Variants in NCOA1 observed in about 807,000 individuals in gnomAD.
The protein encoded by NCOA1 is nuclear receptor coactivator 1.
In NCOA1, 35 loss-of-function variants were observed where a neutral mutation model predicts 150.9. That is an observed-to-expected ratio of 0.23 (90% CI 0.18 to 0.31). NCOA1 has a LOEUF of 0.31. Ranked by LOEUF, NCOA1 falls within the 10% of genes least tolerant of loss-of-function variation. NCOA1 has a pLI of 1.00. For missense variants in NCOA1, 1,491 were observed against 1,749.3 expected, an observed-to-expected ratio of 0.85 and a Z score of 2.63; for synonymous variants, 590 against 630.0, an observed-to-expected ratio of 0.94 and a Z score of 0.95.
chr2:24,507,097 G>A (rs1234755851), intron 1 of NCOA1, among the ~76,000 whole-genome samples: 1 of 152,146 alleles, frequency 6.6e-6, no homozygotes, highest in Non-Finnish European at 1.5e-5. Context: ...TCTGGAGGAC[G>A]AAGACTGAAC....
chr2:24,719,801 G>T (rs540306958), intron 14 of NCOA1, among the ~76,000 whole-genome samples: 1 of 152,152 alleles, frequency 6.6e-6, no homozygotes, highest in East Asian at 1.9e-4. Flanking sequence ...GAAATGAATT[G>T]ATCTCCTTGA....
rs1015632484 is a variant in NCOA1, at chr2:24,608,246, C to T, written c.-175+23686C>T. Among the ~76,000 whole-genome samples the T allele has an allele frequency of 2.0e-3, 264 of 131,864 alleles. 1 individual carries two copies. Among genetic ancestry groups the T allele is most frequent in the Non-Finnish European group, 2.7e-3 (168 of 62,400 alleles). 86.5% of individuals were successfully genotyped at this position (131,864 alleles called of 152,430 possible). A position where few individuals can be genotyped will look rare whatever the true frequency, so the allele number is the denominator to read the frequency against. On this transcript the variant is annotated intron_variant, in intron 3 of 22. Coordinates refer to ENST00000348332, the MANE Select transcript of NCOA1 (RefSeq NM_003743.5). Reference sequence around the variant, plus strand: ...CCCATATACTCCTCACCCAGTTCCCCTATTATTATTATTATTATTATTATT... The same window carrying T: ...CCCATATACTCCTCACCCAGTTCCCTTATTATTATTATTATTATTATTATT...
At chr2:24,635,331 A>G (rs1330143195) in intron 3 of NCOA1, among the ~76,000 whole-genome samples, 2 of 151,942 alleles carry the variant, frequency 1.3e-5, no homozygotes, top group Non-Finnish European at 2.9e-5. Flanking sequence ...TCAGCCTCCC[A>G]TCAGCATGGT....
At position 24,762,973 on chromosome 2, in the gene NCOA1, C is replaced by T. The variant is rs146974692; in HGVS notation, c.4155+197C>T. Among the ~76,000 whole-genome samples, 685 of 152,282 alleles carry T rather than the reference C, an allele frequency of 4.5e-3. 3 individuals are homozygous for T. Among genetic ancestry groups the T allele is most frequent in the African/African-American group, 0.015 (642 of 41,560 alleles). ...CTGTATAACCACAGAACTAACATGACACCTGCTTATAGGATTGTTGAGAGG... is the reference window on the plus strand; with the variant it reads ...CTGTATAACCACAGAACTAACATGATACCTGCTTATAGGATTGTTGAGAGG... On this transcript the variant is annotated intron_variant, in intron 22 of 22. Coordinates refer to ENST00000348332, the MANE Select transcript of NCOA1 (RefSeq NM_003743.5).
intron 2 of NCOA1, among the ~76,000 whole-genome samples, chr2:24,578,754 G>A (rs1667085846): frequency 6.6e-6 from 1 of 152,064 alleles, no homozygotes; most frequent in Admixed American, 6.6e-5. Flanking sequence ...TAAGGGCATG[G>A]ATTAATGATC....
chr2:24,639,848 A>G (rs1572527076), intron 3 of NCOA1, among the ~76,000 whole-genome samples: 1 of 146,274 alleles, frequency 6.8e-6, no homozygotes, highest in Non-Finnish European at 1.5e-5. Context: ...AGATCGTGCT[A>G]TTGCACTCCA....
chr2:24,703,127 A>G (rs1673245363), intron 11 of NCOA1, among the ~76,000 whole-genome samples: 1 of 152,144 alleles, frequency 6.6e-6, no homozygotes, highest in Non-Finnish European at 1.5e-5. Flanking sequence ...ATTATCTTAC[A>G]ATGTTGTTGG....
At chr2:24,556,184 TC>T (rs2148238529) in intron 1 of NCOA1, 2 of 152,284 alleles carry the variant, frequency 1.3e-5, no homozygotes, top group South Asian at 4.1e-4. Context: ...CAGTGTGTAT[TC>T]CCCTCCCTAT....
chr2:24,572,459 C>T (rs1666779130), intron 2 of NCOA1, among the ~76,000 whole-genome samples: 1 of 152,060 alleles, frequency 6.6e-6, no homozygotes, highest in Non-Finnish European at 1.5e-5. Flanking sequence ...TTGCAAAGGA[C>T]GTTATGACAT....
At chr2:24,712,911 C>T (rs1344764168) in intron 14 of NCOA1, among the ~76,000 whole-genome samples, 3 of 152,052 alleles carry the variant, frequency 2.0e-5, no homozygotes, top group East Asian at 1.9e-4. Flanking sequence ...CAAGGTCCAC[C>T]TCAGAGGGCC....
chr2:24,706,652 C>T lies in NCOA1; in HGVS notation c.1182C>T (p.Ile394=), dbSNP rs1673450876. 7 of 1,614,092 alleles carry T rather than the reference C, an allele frequency of 4.3e-6. No homozygotes were observed. The highest frequency in any genetic ancestry group is 3.3e-5 in the South Asian group (3 of 91,094). The change falls in exon 13 of 23, where the codon ATC becomes ATT. Residue 394 remains isoleucine, a synonymous_variant. Coordinates refer to ENST00000348332, the MANE Select transcript of NCOA1 (RefSeq NM_003743.5). ...PRVNPSVNPS[I]SPAHGVARSS... The stretch of plus-strand genomic sequence containing the variant: ...TAAATCCCTCGGTCAATCCTAGTAT[C>T]TCTCCAGCTCATGGTGTGGCTCGTT...
At chr2:24,720,036 G>T (rs541598687) in intron 14 of NCOA1, among the ~76,000 whole-genome samples, 54 of 152,276 alleles carry the variant, frequency 3.5e-4, no homozygotes, top group African/African-American at 1.3e-3. Flanking sequence ...AAAAAACTAT[G>T]ATCTCTGTTA....
At chr2:24,722,750 C>T (rs375680902) in intron 14 of NCOA1, among the ~76,000 whole-genome samples, 146 of 151,906 alleles carry the variant, frequency 9.6e-4, no homozygotes, top group African/African-American at 3.2e-3. Context: ...TCACTATTTT[C>T]GTATGCAACA....
chr2:24,586,787 A>G (rs1667430598), intron 3 of NCOA1, among the ~76,000 whole-genome samples: 1 of 152,012 alleles, frequency 6.6e-6, no homozygotes, highest in South Asian at 2.1e-4. Flanking sequence ...TTTTCTACAC[A>G]TATGCAACTT....
At chr2:24,620,007 C>G (rs1351728804) in intron 3 of NCOA1, among the ~76,000 whole-genome samples, 1 of 152,080 alleles carries the variant, frequency 6.6e-6, no homozygotes, top group South Asian at 2.1e-4. Context: ...CTTCTCTCCC[C>G]AAAACAGCCT....
intron 3 of NCOA1, among the ~76,000 whole-genome samples, chr2:24,641,683 A>G (rs184251441): frequency 1.3e-5 from 2 of 152,222 alleles, no homozygotes; most frequent in East Asian, 3.9e-4. Flanking sequence ...AAATTATTCC[A>G]TTATCTTCTT....
intron 14 of NCOA1, among the ~76,000 whole-genome samples, chr2:24,725,475 T>C (rs1674569851): frequency 6.6e-6 from 1 of 152,114 alleles, no homozygotes; most frequent in South Asian, 2.1e-4. Flanking sequence ...TCATATTGGA[T>C]TAGGGCCCAC....
intron 8 of NCOA1, among the ~76,000 whole-genome samples, chr2:24,688,186 G>T (rs1672496196): frequency 6.6e-6 from 1 of 152,040 alleles, no homozygotes; most frequent in African/African-American, 2.4e-5. Context: ...CCATGTCTTT[G>T]CTATTGTGAA....
intron 1 of NCOA1, among the ~76,000 whole-genome samples, chr2:24,526,747 T>C (rs971439066): frequency 1.3e-5 from 2 of 152,056 alleles, no homozygotes; most frequent in Non-Finnish European, 2.9e-5. Flanking sequence ...CTGTTGTATA[T>C]ATTTAAGGTG....
Sources: gnomAD v4.1 joint callset for allele counts (sites outside exome capture counted in the v4.1 genomes callset) on GRCh38, gnomAD v4.1.1 for gene constraint, MANE v1.5 for transcripts, NCBI Gene and HGNC (gene_info 2026-07-23, HGNC 2026-07-21) for gene names.